Variants in HSPA12A observed in about 807,000 individuals in gnomAD.
HSPA12A encodes heat shock 70 kDa protein 12A.
A neutral mutation model predicts 69.2 loss-of-function variants in HSPA12A; 28 were observed. The observed-to-expected ratio is 0.40, with a 90% confidence interval of 0.30 to 0.55. The LOEUF (loss-of-function observed/expected upper bound fraction) is 0.55. Among genes scored for constraint, HSPA12A ranks in the 20% least tolerant of loss-of-function variants. The probability of loss-of-function intolerance (pLI) is 0.38; values close to 1 mark genes in which losing one functional copy is unlikely to be tolerated. For missense variants in HSPA12A, 686 were observed against 900.7 expected (o/e 0.76, Z 3.05); for synonymous variants, 345 against 370.5 (o/e 0.93, Z 0.79).
chr10:116,719,126 C>A (rs1044461268), intron 1 of HSPA12A, among the ~76,000 whole-genome samples: 1 of 152,178 alleles, frequency 6.6e-6, no homozygotes, highest in Non-Finnish European at 1.5e-5. Flanking sequence ...CTTAACTAAA[C>A]CCCAATTTTT....
chr10:116,778,112 G>A (rs1166601341), intron 2 of HSPA12A, among the ~76,000 whole-genome samples: 4 of 152,172 alleles, frequency 2.6e-5, no homozygotes, highest in Admixed American at 6.5e-5. Context: ...AGGAGGAGCC[G>A]CACATCATTG....
At chr10:116,678,247 C>T (rs73380027) in intron 10 of HSPA12A, among the ~76,000 whole-genome samples, 23,825 of 150,946 alleles carry the variant, frequency 0.16, 2,129 homozygotes, top group South Asian at 0.28. Flanking sequence ...ATTTCGTGTC[C>T]CCTGATGGGA....
At chr10:116,782,073 T>C (rs782596257) in intron 2 of HSPA12A, among the ~76,000 whole-genome samples, 5 of 151,970 alleles carry the variant, frequency 3.3e-5, no homozygotes, top group Admixed American at 6.6e-5. Flanking sequence ...GGGAGAACAA[T>C]GGTCAGGCAT....
upstream of HSPA12A, among the ~76,000 whole-genome samples, chr10:116,746,797 G>C (rs985167293): frequency 2.0e-5 from 3 of 152,312 alleles, no homozygotes; most frequent in Middle Eastern, 3.4e-3. Flanking sequence ...CAGAAGATAT[G>C]AGTAGCTTTT....
At position 116,822,992 on chromosome 10, in the gene HSPA12A, A is replaced by G. The variant is rs554612388; in HGVS notation, c.91+11943T>C. On this transcript the variant is annotated intron_variant, in intron 2 of 12. Transcript: ENST00000635765. ...GAGGGGCTTTTGTTGACATGAGTCA[A>G]TGGTGTGCTGTGTGTGCCAACCACC... 4.6e-5 allele frequency among the ~76,000 whole-genome samples: 7 copies of G among 152,348 alleles called. No individual in the cohort carries two copies. In the South Asian group the frequency reaches 1.4e-3, roughly 32 times the overall value.
intron 2 of HSPA12A, among the ~76,000 whole-genome samples, chr10:116,810,538 A>G (rs1367048611): frequency 2.0e-5 from 3 of 152,266 alleles, no homozygotes; most frequent in East Asian, 3.9e-4. Flanking sequence ...CATATTCACC[A>G]TGTCACTTAT....
intron 1 of HSPA12A, among the ~76,000 whole-genome samples, chr10:116,727,290 A>T (rs1850997320): frequency 6.6e-6 from 1 of 152,170 alleles, no homozygotes; most frequent in African/African-American, 2.4e-5. Flanking sequence ...GGGCCAAGAC[A>T]GGCTCATTCA....
At chr10:116,770,705 C>A (rs1027398272) in intron 2 of HSPA12A, among the ~76,000 whole-genome samples, 3 of 152,186 alleles carry the variant, frequency 2.0e-5, no homozygotes, top group Admixed American at 6.5e-5. Flanking sequence ...CATCTCTCCT[C>A]CAACCTCCTG....
chr10:116,747,814 C>A (rs1407699608), intron 2 of HSPA12A, among the ~76,000 whole-genome samples: 2 of 151,984 alleles, frequency 1.3e-5, no homozygotes, highest in East Asian at 3.9e-4. Context: ...GCCTGGCCAA[C>A]ATGGTGAAAC....
In HSPA12A at chr10:116,741,203, C is replaced by G. The variant is rs1280965376; in HGVS notation, c.40+1227G>C. 2.6e-5 allele frequency among the ~76,000 whole-genome samples: 4 copies of G among 152,130 alleles called. No homozygotes were observed. The South Asian group carries it at 6.2e-4, about 24-fold the overall frequency. ...TGCAGTGCCGCGTGGGGAGGCACCT[C>G]CCTGATCCGCAGGAACAATGGGCTG... On this transcript the variant is annotated intron_variant, in intron 1 of 11. Transcript: ENST00000369209.
At chr10:116,743,382 TG>T (rs1851576558), upstream of HSPA12A, among the ~76,000 whole-genome samples, 1 of 152,200 alleles carries the variant, frequency 6.6e-6, no homozygotes, top group African/African-American at 2.4e-5. Context: ...CACCCTGCCT[TG>T]GCAAACGAGG....
At chr10:116,725,317 C>G (rs1850918917) in intron 1 of HSPA12A, among the ~76,000 whole-genome samples, 1 of 152,180 alleles carries the variant, frequency 6.6e-6, no homozygotes, top group Admixed American at 6.5e-5. Context: ...GAGCACTCTG[C>G]TAGGGTCCCA....
At chr10:116,799,323 C>T (rs1471784027) in intron 2 of HSPA12A, among the ~76,000 whole-genome samples, 1 of 152,186 alleles carries the variant, frequency 6.6e-6, no homozygotes, top group Non-Finnish European at 1.5e-5. Flanking sequence ...ATCTACTAAA[C>T]AGCTTCTTTG....
In HSPA12A at chr10:116,682,946, G is replaced by A. The variant is rs191420207; in HGVS notation, c.835+845C>T. On this transcript the variant is annotated intron_variant, in intron 7 of 11. Transcript: ENST00000369209. ...TCTGGATTTCCTGACCTCGTGATCC[G>A]CCTGCCTCGGCCTCCCAAAGTGCTG... Among the ~76,000 whole-genome samples the A allele has an allele frequency of 8.5e-3, 1,250 of 146,520 alleles. 17 individuals carry two copies. Among genetic ancestry groups the A allele is most frequent in the African/African-American group, 0.03 (1,183 of 39,134 alleles).
chr10:116,787,016 A>G lies in HSPA12A; in HGVS notation c.91+47919T>C, dbSNP rs1363681604. ...CACACACACACACACACATACACAC[A>G]CGCACGCACTCACACACACACGGTC... On this transcript the variant is annotated intron_variant, in intron 2 of 12. Coordinates refer to the HSPA12A transcript ENST00000635765. Among the ~76,000 whole-genome samples, 20 of 150,894 alleles carry G rather than the reference A, an allele frequency of 1.3e-4. 1 individual carries two copies. The highest frequency in any genetic ancestry group is 6.3e-4 in the South Asian group (3 of 4,736).
chr10:116,809,149 A>G (rs1845127123), intron 2 of HSPA12A, among the ~76,000 whole-genome samples: 1 of 152,068 alleles, frequency 6.6e-6, no homozygotes, highest in African/African-American at 2.4e-5. Flanking sequence ...GACTCAGGGG[A>G]GCCACTTCCC....
chr10:116,674,453 C>T lies in HSPA12A; in HGVS notation c.*328G>A, dbSNP rs1849166042. 1 of 295,634 alleles carries T rather than the reference C, an allele frequency of 3.4e-6. No individual in the cohort carries two copies. The highest frequency in any genetic ancestry group is 2.1e-5 in the African/African-American group (1 of 47,724). 18.3% of individuals were successfully genotyped at this position (295,634 alleles called of 1,614,324 possible). ...ATCCTAAATTCTACATAACGGAGATCTGTTCAAAGCAGCGCAACCACTGCT... is the reference window on the plus strand; with the variant it reads ...ATCCTAAATTCTACATAACGGAGATTTGTTCAAAGCAGCGCAACCACTGCT... On this transcript the variant is annotated 3_prime_UTR_variant, in exon 12 of 12. Coordinates refer to ENST00000369209, the MANE Select transcript of HSPA12A (RefSeq NM_025015.3).
At chr10:116,755,816 AAAAAAATAC>A (rs1405243115) in intron 2 of HSPA12A, among the ~76,000 whole-genome samples, 25 of 151,236 alleles carry the variant, frequency 1.7e-4, no homozygotes, top group Admixed American at 1.4e-3. Context: ...AAAAAAAAAA[AAAAAAATAC>A]AAAAATACAA....
chr10:116,789,975 G>A (rs967353419), intron 2 of HSPA12A, among the ~76,000 whole-genome samples: 2 of 151,868 alleles, frequency 1.3e-5, no homozygotes, highest in Admixed American at 1.3e-4. Context: ...CAGCCAGTGA[G>A]AGCCTTCACC....
Sources: allele counts gnomAD v4.1 joint callset (sites outside exome capture counted in the v4.1 genomes callset), GRCh38; gene constraint gnomAD v4.1.1; transcripts MANE v1.5; gene names NCBI Gene and HGNC (gene_info 2026-07-23, HGNC 2026-07-21).